Variants in SYNE1 observed in about 807,000 individuals in gnomAD.
SYNE1 encodes the protein spectrin repeat containing nuclear envelope protein 1.
Under a neutral mutation model 1,111.0 loss-of-function variants are expected in SYNE1, and 616 were observed. The ratio of observed to expected loss-of-function variants is 0.55; its 90% CI spans 0.52 to 0.59. The LOEUF (loss-of-function observed/expected upper bound fraction) is 0.59, where lower values mean the gene tolerates loss of function less well. SYNE1 is among the 20% of genes least tolerant of loss of function. SYNE1 has a pLI of 0.00. For missense variants in SYNE1, 10,006 were observed against 10,417.0 expected (o/e 0.96, Z 1.72); for synonymous variants, 3,855 against 3,825.8 (o/e 1.01, Z -0.28).
At position 152,151,982 on chromosome 6, in the gene SYNE1, T is replaced by G; in HGVS notation, c.24289A>C (p.Thr8097Pro). The G allele has an allele frequency of 6.2e-7, 1 of 1,614,138 alleles. No individual in the cohort carries two copies. The change falls in exon 134 of 146, where the codon ACC (threonine) becomes CCC (proline). Residue 8097 changes from threonine to proline, a missense_variant. By Grantham distance (38) the Thr-to-Pro change is conservative. This residue lies in a region of SYNE1 where 2,182 missense variants were observed against 2,287.8 expected (regional missense o/e 0.95). Transcript: ENST00000367255. ...ACCTTGAGTCTGCGCAAGATGGAGG[T>G]GACACGCTTTTGCAGGTTGTCCCAT... ...QRWDNLQKRV[T>P]SILRRLKHFI...
Position 152,441,193 on chromosome 6 carries a change from A to T in SYNE1, c.4086T>A (p.Ser1362Arg), listed in dbSNP as rs749675567. 6 of 1,613,372 alleles carry T rather than the reference A, an allele frequency of 3.7e-6. No individual in the cohort carries two copies. The highest frequency in any genetic ancestry group is 1.7e-5 in the Admixed American group (1 of 59,986). The change falls in exon 32 of 146, where the codon AGT becomes AGA. Residue 1362 changes from serine (S) to arginine (R), a missense_variant. Ser to Arg is a moderately radical substitution (Grantham distance 110). Around this residue, in one of 7 missense-constraint regions of SYNE1, gnomAD observed 1,971 missense variants for 2,084.1 expected, o/e 0.95. Coordinates refer to ENST00000367255, the MANE Select transcript of SYNE1 (RefSeq NM_182961.4). ...VVRYLFQTGS[S>R]HERFLSFSSL... ...TGCTAAAACTCAAGAAGCGTTCATG[A>T]CTGGAACCTGTTTGAAAAAGGTATC...
At chr6:152,343,422 G>A (rs1290679122) in intron 74 of SYNE1, among the ~76,000 whole-genome samples, 2 of 149,592 alleles carry the variant, frequency 1.3e-5, no homozygotes, top group African/African-American at 2.5e-5. Flanking sequence ...GCCTCTCAAA[G>A]TGTTGGGATT....
chr6:152,550,861 C>G (rs1293835537), intron 3 of SYNE1, among the ~76,000 whole-genome samples: 1 of 152,086 alleles, frequency 6.6e-6, no homozygotes, highest in Non-Finnish European at 1.5e-5. Flanking sequence ...GAAAACAAAG[C>G]TGGGGTCCTT....
At chr6:152,526,479 G>A (rs1029953768) in intron 4 of SYNE1, among the ~76,000 whole-genome samples, 3 of 152,142 alleles carry the variant, frequency 2.0e-5, no homozygotes, top group Non-Finnish European at 4.4e-5. Context: ...GTGGGATAAG[G>A]GAAGGAAAAG....
chr6:152,155,765 A>G (rs1214659643), intron 132 of SYNE1, 145 bp downstream of exon 132: 2 of 946,916 alleles, frequency 2.1e-6, no homozygotes, highest in East Asian at 2.6e-5. Context: ...TCCCAACTAA[A>G]TGTAGACAAT....
intron 126 of SYNE1, among the ~76,000 whole-genome samples, chr6:152,203,968 A>C (rs559142258): frequency 5.9e-5 from 9 of 152,206 alleles, no homozygotes; most frequent in Non-Finnish European, 1.2e-4. Context: ...AGGGTAGACA[A>C]AAAGTTTCTC....
chr6:152,308,656 A>C, intron 90 of SYNE1, 24 bp from the exon 91 acceptor site: 1 of 1,589,282 alleles, frequency 6.3e-7, no homozygotes, highest in Non-Finnish European at 8.5e-7. Context: ...AAAAAACAGA[A>C]AGATAGACAG....
At chr6:152,548,084 T>C (rs1482173363) in intron 3 of SYNE1, among the ~76,000 whole-genome samples, 2 of 152,312 alleles carry the variant, frequency 1.3e-5, no homozygotes, top group Non-Finnish European at 1.5e-5. Flanking sequence ...GTTGACCTTC[T>C]CAACTAGACA....
intron 136 of SYNE1, 54 bp downstream of exon 136, chr6:152,149,423 C>A (rs1349520930): frequency 6.2e-7 from 1 of 1,608,320 alleles, no homozygotes; most frequent in East Asian, 2.2e-5. Context: ...CCCAATCCCA[C>A]ACGACTTATT....
chr6:152,252,487 T>G (rs1313625455), intron 104 of SYNE1, among the ~76,000 whole-genome samples: 1 of 152,212 alleles, frequency 6.6e-6, no homozygotes, highest in Admixed American at 6.5e-5. Context: ...TGTGATTCTA[T>G]ATATGTAATG....
Position 152,300,741 on chromosome 6 carries a change from G to T in SYNE1, c.17582C>A (p.Thr5861Asn), listed in dbSNP as rs1450245566. The T allele has an allele frequency of 3.1e-6, 5 of 1,614,124 alleles. No homozygotes were observed. The African/African-American group carries it at 6.7e-5, about 22-fold the overall frequency. Reference sequence around the variant, plus strand: ...GGTTCCCTCCTCCCCAGACTCCTCAGTGACCGGTGACAGCAAAGTGTGACA... The same window carrying T: ...GGTTCCCTCCTCCCCAGACTCCTCATTGACCGGTGACAGCAAAGTGTGACA... Reference protein sequence around the residue: ...GRCHTLLSPVTEESGEEGTNS... With the variant: ...GRCHTLLSPVNEESGEEGTNS... The change falls in exon 93 of 146, where the codon ACT becomes AAT. Residue 5861 changes from threonine (T) to asparagine (N), a missense_variant. Coordinates refer to ENST00000367255, the MANE Select transcript of SYNE1 (RefSeq NM_182961.4).
chr6:152,215,436 A>G (rs1432017159), intron 121 of SYNE1, among the ~76,000 whole-genome samples: 1 of 152,096 alleles, frequency 6.6e-6, no homozygotes, highest in Non-Finnish European at 1.5e-5. Context: ...TATATTACAT[A>G]TACTATTTAC....
chr6:152,189,531 G>T, intron 127 of SYNE1, 124 bp from the exon 128 acceptor site: 3 of 867,754 alleles, frequency 3.5e-6, no homozygotes, highest in South Asian at 3.1e-5. Context: ...TCTAACTTGG[G>T]ATCTAGAGGC....
intron 59 of SYNE1, 22 bp from the exon 60 acceptor site, chr6:152,369,636 C>G (rs776399034): frequency 6.2e-7 from 1 of 1,613,832 alleles, no homozygotes; most frequent in Non-Finnish European, 8.5e-7. Context: ...TAGATAGTGT[C>G]CAGGACAAGA....
Position 152,376,834 on chromosome 6 carries a change from A to C in SYNE1, c.9088T>G (p.Ser3030Ala). 6.2e-7 allele frequency: 1 copy of C among 1,614,140 alleles called. No homozygotes were observed. Among genetic ancestry groups the C allele is most frequent in the Non-Finnish European group, 8.5e-7 (1 of 1,180,020 alleles). The part of the protein sequence containing the change: ...KSQLNELCRF[S>A]RDLSTYSGKV... ...CCACTGTAGGTACTCAGGTCTCTGG[A>C]AAATCGACAAAGTTCATTCAGCTGA... The change falls in exon 57 of 146, where the codon TCC (serine) becomes GCC (alanine). Residue 3030 changes from serine (S) to alanine (A), a missense_variant. Around this residue, in one of 7 missense-constraint regions of SYNE1, gnomAD observed 4,955 missense variants for 5,017.2 expected, o/e 0.99. Coordinates refer to ENST00000367255, the MANE Select transcript of SYNE1 (RefSeq NM_182961.4).
At position 152,323,347 on chromosome 6, in the gene SYNE1, G is replaced by A. The variant is rs1399371221; in HGVS notation, c.15917+131C>T. The stretch of plus-strand genomic sequence containing the variant: ...CAGCTACTCAGAGAGGCTGAGGCAG[G>A]AGAATGGCGTGAACCCGGGAGGCGG... On this transcript the variant is annotated intron_variant, in intron 82 of 145. Transcript: ENST00000367255. The A allele has an allele frequency of 1.7e-5, 23 of 1,369,980 alleles. No individual in the cohort carries two copies. The East Asian group carries it at 2.3e-4, about 14-fold the overall frequency. 84.9% of individuals were successfully genotyped at this position (1,369,980 alleles called of 1,614,324 possible).
At chr6:152,270,235 T>C (rs1197485317) in intron 98 of SYNE1, among the ~76,000 whole-genome samples, 1 of 152,236 alleles carries the variant, frequency 6.6e-6, no homozygotes, top group South Asian at 2.1e-4. Flanking sequence ...GAAAACTCTT[T>C]AAGAGTCTTT....
intron 128 of SYNE1, among the ~76,000 whole-genome samples, chr6:152,183,291 CTTA>C (rs1437508161): frequency 6.6e-6 from 1 of 152,160 alleles, no homozygotes; most frequent in African/African-American, 2.4e-5. Flanking sequence ...AAACTATACT[CTTA>C]TTATTTGGAC....
At position 152,208,125 on chromosome 6, in the gene SYNE1, G is replaced by A. The variant is rs3798756; in HGVS notation, c.22671C>T (p.Ile7557=). Reference sequence around the variant, plus strand: ...GCCACTGGCGAATCTGGCTGTCAATGATCCCCCGCCTCTGCTGGGCCCTGC... The same window carrying A: ...GCCACTGGCGAATCTGGCTGTCAATAATCCCCCGCCTCTGCTGGGCCCTGC... ...VIRRAQQRRG[I]IDSQIRQWQR... The change falls in exon 125 of 146, where the codon ATC becomes ATT. Residue 7557 remains isoleucine, a synonymous_variant. Coordinates refer to ENST00000367255, the MANE Select transcript of SYNE1 (RefSeq NM_182961.4). 0.14 allele frequency: 220,437 copies of A among 1,613,848 alleles called. 15,985 individuals are homozygous for A. The highest frequency in any genetic ancestry group is 0.23 in the East Asian group (10,489 of 44,834).
Sources: allele counts gnomAD v4.1 joint callset (sites outside exome capture counted in the v4.1 genomes callset), GRCh38; gene constraint gnomAD v4.1.1; regional missense constraint gnomAD v4.1.1; transcripts MANE v1.5; gene names NCBI Gene and HGNC (gene_info 2026-07-23, HGNC 2026-07-21).